Variants in GLCCI1 observed in about 807,000 individuals in gnomAD.
The protein encoded by GLCCI1 is glucocorticoid induced 1.
In GLCCI1, 24 loss-of-function variants were observed where a neutral mutation model predicts 52.2. The ratio of observed to expected loss-of-function variants is 0.46; its 90% confidence interval spans 0.33 to 0.65. The LOEUF (loss-of-function observed/expected upper bound fraction) is 0.65. Among genes scored for constraint, GLCCI1 ranks in the 30% least tolerant of loss-of-function variants. The pLI is 0.02. For missense variants in GLCCI1, 704 were observed against 701.5 expected (o/e 1.00, Z -0.04); for synonymous variants, 310 against 276.5 (o/e 1.12, Z -1.20).
chr7:8,016,186 T>A lies in GLCCI1; in HGVS notation c.610-6297T>A, dbSNP rs144305208. Among the ~76,000 whole-genome samples the A allele has an allele frequency of 2.1e-3, 317 of 152,240 alleles. 1 individual carries two copies. Among genetic ancestry groups the A allele is most frequent in the Non-Finnish European group, 3.3e-3 (221 of 67,996 alleles). Reference sequence around the variant, plus strand: ...AGACATTATGCCTTAACAGTTAAGATCGCCCGGGCGCGGTGGCTTACGCCT... The same window carrying A: ...AGACATTATGCCTTAACAGTTAAGAACGCCCGGGCGCGGTGGCTTACGCCT... On this transcript the variant is annotated intron_variant, in intron 2 of 7. Coordinates refer to ENST00000223145, the MANE Select transcript of GLCCI1 (RefSeq NM_138426.4).
intron 1 of GLCCI1, among the ~76,000 whole-genome samples, chr7:7,982,914 A>G (rs1404734689): frequency 6.6e-6 from 1 of 152,164 alleles, no homozygotes; most frequent in East Asian, 1.9e-4. Context: ...ATCATGTGCT[A>G]TGAGTATCTT....
chr7:7,969,517 G>A lies in GLCCI1; in HGVS notation c.167G>A (p.Gly56Glu), dbSNP rs976419070. 1 of 996,674 alleles carries A rather than the reference G, an allele frequency of 1.0e-6. No homozygotes were observed. The allele number at this position is 996,674 out of a possible 1,614,324, so 61.7% of individuals were successfully genotyped here. A position where few individuals can be genotyped will look rare whatever the true frequency, so the allele number is the denominator to read the frequency against. ...GGGVGCAPAA[G>E]AGRLLQPIRA... ...GGCGTGGGCTGCGCCCCGGCTGCGG[G>A]AGCCGGCCGGCTGCTGCAGCCCATC... The change falls in exon 1 of 8, where the codon GGA becomes GAA. Residue 56 changes from glycine (G) to glutamate (E), a missense_variant. Gly to Glu is a moderately conservative substitution (Grantham distance 98, BLOSUM62 -2). Coordinates refer to ENST00000223145, the MANE Select transcript of GLCCI1 (RefSeq NM_138426.4). This position sits in a 1 kb window ranked among gnomAD's most constrained non-coding sequence, Gnocchi z 4.9.
intron 1 of GLCCI1, among the ~76,000 whole-genome samples, chr7:7,974,535 G>C (rs1780423488): frequency 6.6e-6 from 1 of 152,132 alleles, no homozygotes; most frequent in African/African-American, 2.4e-5. Context: ...TGGCGTCCTT[G>C]TGATTTTTGT....
rs1783111645 is a variant in GLCCI1 at position 8,086,593 on chromosome 7, G to C, written c.*55G>C. ...TCCATGGATTCGGAACAAGATTTCA[G>C]ACATCTGCATGAGTGACAAACTTTC... On this transcript the variant is annotated 3_prime_UTR_variant, in exon 8 of 8. Coordinates refer to ENST00000223145, the MANE Select transcript of GLCCI1 (RefSeq NM_138426.4). This position sits in a 1 kb window ranked among gnomAD's most constrained non-coding sequence, Gnocchi z 4.4. The C allele has an allele frequency of 1.4e-6, 2 of 1,399,228 alleles. No homozygotes were observed. Among genetic ancestry groups the C allele is most frequent in the South Asian group, 2.7e-5 (2 of 72,902 alleles). 86.7% of individuals were successfully genotyped at this position (1,399,228 alleles called of 1,614,324 possible). A position where few individuals can be genotyped will look rare whatever the true frequency, so the allele number is the denominator to read the frequency against.
At chr7:8,045,555 A>C (rs2127956060) in intron 3 of GLCCI1, among the ~76,000 whole-genome samples, 1 of 152,350 alleles carries the variant, frequency 6.6e-6, no homozygotes, top group Non-Finnish European at 1.5e-5. Flanking sequence ...GTATAAAAGT[A>C]GGGAACTGGG....
chr7:8,062,371 AAACT>A (rs926498864), intron 5 of GLCCI1, among the ~76,000 whole-genome samples: 2 of 152,238 alleles, frequency 1.3e-5, no homozygotes, highest in Non-Finnish European at 2.9e-5. Context: ...TTTATCAAAC[AAACT>A]GATAGATAAT....
intron 1 of GLCCI1, among the ~76,000 whole-genome samples, chr7:7,997,162 C>A (rs1001026909): frequency 6.6e-6 from 1 of 151,986 alleles, no homozygotes; most frequent in Admixed American, 6.6e-5. Context: ...GAAAAACATA[C>A]CAGTCACCTT....
At position 8,080,877 on chromosome 7, in the gene GLCCI1, G is replaced by A. The variant is rs1171941655; in HGVS notation, c.1178-4020G>A. Among the ~76,000 whole-genome samples the A allele has an allele frequency of 3.0e-5, 4 of 131,294 alleles. No individual in the cohort carries two copies. In the Admixed American group the frequency reaches 3.4e-4, roughly 11 times the overall value. The allele number at this position is 131,294 out of a possible 152,430, so 86.1% of individuals were successfully genotyped here. On this transcript the variant is annotated intron_variant, in intron 6 of 7. Transcript: ENST00000223145. Reference sequence around the variant, plus strand: ...TTTTTTGTAGAGAGGGTTTCCCCATGTTGGCCAGGTGGTCTCGAACTCCTG... The same window carrying A: ...TTTTTTGTAGAGAGGGTTTCCCCATATTGGCCAGGTGGTCTCGAACTCCTG...
intron 6 of GLCCI1, among the ~76,000 whole-genome samples, chr7:8,081,125 T>C (rs1305542456): frequency 1.3e-5 from 2 of 152,158 alleles, no homozygotes; most frequent in Non-Finnish European, 2.9e-5. Flanking sequence ...CAAATCAATG[T>C]TCTTAACCAT....
At chr7:8,064,036 C>T (rs1036074005) in intron 5 of GLCCI1, among the ~76,000 whole-genome samples, 4 of 152,170 alleles carry the variant, frequency 2.6e-5, no homozygotes, top group African/African-American at 9.7e-5. Context: ...CAAACATTTT[C>T]TCCCATTATG....
At chr7:8,036,510 A>G (rs534420150) in intron 3 of GLCCI1, among the ~76,000 whole-genome samples, 13 of 152,336 alleles carry the variant, frequency 8.5e-5, no homozygotes, top group East Asian at 3.9e-4. Flanking sequence ...AGAGTATTAC[A>G]ACACCTCCAA....
At chr7:7,995,062 C>T (rs1281107372) in intron 1 of GLCCI1, among the ~76,000 whole-genome samples, 1 of 152,184 alleles carries the variant, frequency 6.6e-6, no homozygotes, top group African/African-American at 2.4e-5. Context: ...GTATGGACAT[C>T]AATCCCAAGT....
chr7:7,986,368 C>T (rs1318941603), intron 1 of GLCCI1, among the ~76,000 whole-genome samples: 4 of 90,432 alleles, frequency 4.4e-5, no homozygotes, highest in African/African-American at 1.4e-4. Flanking sequence ...AAAAATTAGC[C>T]GGGAGCAGGG....
At chr7:8,043,585 A>T (rs1036399039) in intron 3 of GLCCI1, among the ~76,000 whole-genome samples, 3 of 152,244 alleles carry the variant, frequency 2.0e-5, no homozygotes, top group African/African-American at 7.2e-5. Flanking sequence ...CTGATGATTG[A>T]CAATAAATAG....
At chr7:8,081,109 T>A (rs1267609314) in intron 6 of GLCCI1, among the ~76,000 whole-genome samples, 2 of 152,208 alleles carry the variant, frequency 1.3e-5, no homozygotes, top group Non-Finnish European at 2.9e-5. Flanking sequence ...TCAGGTGGCC[T>A]CACTCCAAAT....
At chr7:7,974,926 A>G (rs1342404993) in intron 1 of GLCCI1, among the ~76,000 whole-genome samples, 4 of 152,174 alleles carry the variant, frequency 2.6e-5, no homozygotes, top group African/African-American at 9.7e-5. Flanking sequence ...AAGCTAAATC[A>G]CTGACACTCT....
intron 3 of GLCCI1, among the ~76,000 whole-genome samples, chr7:8,029,175 C>G (rs1475363458): frequency 1.3e-5 from 2 of 152,096 alleles, no homozygotes; most frequent in African/African-American, 4.8e-5. Context: ...GGCAATTTAT[C>G]TGATGAATAT....
chr7:8,048,233 G>A (rs1015371304), intron 3 of GLCCI1, among the ~76,000 whole-genome samples: 2 of 151,946 alleles, frequency 1.3e-5, no homozygotes, highest in East Asian at 3.9e-4. Context: ...AGTTATTTCT[G>A]GGTTAGTGTA....
chr7:7,996,115 T>G (rs1183266913), intron 1 of GLCCI1, among the ~76,000 whole-genome samples: 1 of 152,204 alleles, frequency 6.6e-6, no homozygotes, highest in Non-Finnish European at 1.5e-5. Flanking sequence ...GAAATATTGT[T>G]TTCTGAGTAG....
Sources: gnomAD v4.1 joint callset for allele counts (sites outside exome capture counted in the v4.1 genomes callset) on GRCh38, gnomAD v4.1.1 for gene constraint, Gnocchi (gnomAD v3.1) non-coding constraint, MANE v1.5 for transcripts, NCBI Gene and HGNC (gene_info 2026-07-23, HGNC 2026-07-21) for gene names.